Variants in ABL1 observed in about 807,000 individuals in gnomAD.
ABL1 encodes ABL proto-oncogene 1, non-receptor tyrosine kinase.
Under a neutral mutation model 94.7 loss-of-function variants are expected in ABL1, and 11 were observed. That is an observed-to-expected ratio of 0.12 (90% CI 0.07 to 0.19). The LOEUF (loss-of-function observed/expected upper bound fraction) is 0.19. ABL1 is among the 10% of genes least tolerant of loss of function. The probability of loss-of-function intolerance (pLI) is 1.00; values close to 1 mark genes in which losing one functional copy is unlikely to be tolerated. For synonymous variants in ABL1, 656 were observed against 622.4 expected (o/e 1.05, Z -0.80); for missense variants, 1,082 against 1,489.4 (o/e 0.73, Z 4.50).
At chr9:130,784,563 G>T (rs1464904398) in intron 1 of ABL1, among the ~76,000 whole-genome samples, 1 of 152,188 alleles carries the variant, frequency 6.6e-6, no homozygotes, top group African/African-American at 2.4e-5. Context: ...GGTCTTGGGG[G>T]ATTGTGAGAT....
At chr9:130,852,256 C>T (rs1009542911) in intron 1 of ABL1, among the ~76,000 whole-genome samples, 2 of 152,068 alleles carry the variant, frequency 1.3e-5, no homozygotes, top group African/African-American at 4.8e-5. Context: ...GAGACGAGAT[C>T]TCAGCTCACT....
At chr9:130,810,986 G>A (rs191115083) in intron 1 of ABL1, among the ~76,000 whole-genome samples, 30 of 152,222 alleles carry the variant, frequency 2.0e-4, no homozygotes, top group African/African-American at 6.0e-4. Flanking sequence ...TGTAAGCCAG[G>A]TTAACAGTGG....
At chr9:130,812,097 G>T (rs983499770) in intron 1 of ABL1, among the ~76,000 whole-genome samples, 2 of 150,836 alleles carry the variant, frequency 1.3e-5, no homozygotes, top group African/African-American at 4.9e-5. Flanking sequence ...AGGCAGAGTG[G>T]CTCATGCCTG....
intron 1 of ABL1, among the ~76,000 whole-genome samples, chr9:130,813,051 G>A (rs146378461): frequency 6.6e-6 from 1 of 150,998 alleles, no homozygotes; most frequent in Non-Finnish European, 1.5e-5. Context: ...CCGTCTCTAC[G>A]AAAAATACCA....
Position 130,835,578 on chromosome 9 carries a change from T to C in ABL1, c.79+53T>C. On this transcript the variant is annotated intron_variant, in intron 1 of 10. Transcript: ENST00000318560. This position sits in a 1 kb window ranked among gnomAD's most constrained non-coding sequence, Gnocchi z 4.6. Reference sequence around the variant, plus strand: ...GAGTAGCCGCGCGCCCTCCCGCTGCTGCTGGGCCCTTCCTAGGCCTCGCCG... The same window carrying C: ...GAGTAGCCGCGCGCCCTCCCGCTGCCGCTGGGCCCTTCCTAGGCCTCGCCG... The C allele has an allele frequency of 1.3e-6, 2 of 1,486,682 alleles. No individual in the cohort carries two copies. Among genetic ancestry groups the C allele is most frequent in the Non-Finnish European group, 1.8e-6 (2 of 1,092,376 alleles). The allele number at this position is 1,486,682 out of a possible 1,614,324, so 92.1% of individuals were successfully genotyped here. A position where few individuals can be genotyped will look rare whatever the true frequency, so the allele number is the denominator to read the frequency against.
intron 1 of ABL1, among the ~76,000 whole-genome samples, chr9:130,718,013 CAA>C (rs35216676): frequency 3.7e-4 from 48 of 131,342 alleles, no homozygotes; most frequent in South Asian, 1.2e-3. Context: ...ACTCTTGTCT[CAA>C]AAAAAAAAAA....
At chr9:130,855,265 C>T (rs1050401581) in intron 3 of ABL1, among the ~76,000 whole-genome samples, 169 bp downstream of exon 3, 4 of 152,066 alleles carry the variant, frequency 2.6e-5, no homozygotes, top group East Asian at 3.9e-4. Flanking sequence ...ATTGAGGATC[C>T]GTTCTGTGAT....
intron 1 of ABL1, among the ~76,000 whole-genome samples, chr9:130,802,828 C>T (rs1188830138): frequency 3.3e-5 from 5 of 152,070 alleles, no homozygotes; most frequent in Non-Finnish European, 7.4e-5. Context: ...TGTTACTTTT[C>T]TCTAATACTT....
intron 3 of ABL1, among the ~76,000 whole-genome samples, chr9:130,857,051 A>ATG (rs1830986010): frequency 6.6e-6 from 1 of 152,216 alleles, no homozygotes; most frequent in African/African-American, 2.4e-5. Flanking sequence ...CCCTTACTGT[A>ATG]TGTAACGCAC....
At chr9:130,826,189 C>T (rs992526656) in intron 1 of ABL1, among the ~76,000 whole-genome samples, 5 of 151,438 alleles carry the variant, frequency 3.3e-5, no homozygotes, top group Admixed American at 2.6e-4. Flanking sequence ...GGCGCAATTT[C>T]GGCTCACTGC....
rs775170909 is a variant in ABL1 at position 130,885,632 on chromosome 9, C to G, written c.3342C>G (p.Phe1114Leu). 1.2e-6 allele frequency: 2 copies of G among 1,613,270 alleles called. No individual in the cohort carries two copies. The highest frequency in any genetic ancestry group is 4.5e-5 in the East Asian group (2 of 44,882). The change falls in exon 11 of 11, where the codon TTC (phenylalanine) becomes TTG (leucine). Residue 1114 changes from phenylalanine to leucine, a missense_variant. Physicochemically the swap from Phe to Leu is conservative, Grantham distance 22. Coordinates refer to ENST00000318560, the MANE Select transcript of ABL1 (RefSeq NM_005157.6). Reference sequence around the variant, plus strand: ...GTGGTCCAGCGGCCACTCAGGACTTCAGCAAGCTCCTCAGTTCGGTGAAGG... The same window carrying G: ...GTGGTCCAGCGGCCACTCAGGACTTGAGCAAGCTCCTCAGTTCGGTGAAGG... The part of the protein sequence containing the change: ...AGSGPAATQD[F>L]SKLLSSVKEI...
At chr9:130,845,764 T>C (rs1252438250) in intron 1 of ABL1, among the ~76,000 whole-genome samples, 3 of 151,428 alleles carry the variant, frequency 2.0e-5, no homozygotes, top group African/African-American at 7.3e-5. Context: ...TTTTGAGGAC[T>C]GTTTCAAAAA....
chr9:130,733,727 CGCCACCGCGCCT>C (rs1436836227), intron 1 of ABL1, among the ~76,000 whole-genome samples: 2 of 151,506 alleles, frequency 1.3e-5, no homozygotes, highest in South Asian at 2.1e-4. Context: ...TACAGGCGCC[CGCCACCGCGCCT>C]GCCACCACGC....
intron 1 of ABL1, among the ~76,000 whole-genome samples, chr9:130,771,479 T>C (rs1832250396): frequency 6.6e-6 from 1 of 152,240 alleles, no homozygotes; most frequent in Admixed American, 6.5e-5. Flanking sequence ...TTAGGCATTA[T>C]GACATATTCA....
intron 1 of ABL1, among the ~76,000 whole-genome samples, chr9:130,781,441 C>T (rs180987153): frequency 2.0e-4 from 31 of 152,276 alleles, no homozygotes; most frequent in African/African-American, 7.2e-4. Context: ...TTTCTTTGAA[C>T]ATTCTTGACC....
Position 130,878,561 on chromosome 9 carries a change from C to A in ABL1, c.1417C>A (p.Arg473=). Reference sequence around the variant, plus strand: ...CCCAGAGAAGGTCTATGAACTCATGCGAGCATGTAAGCCTTCCTCAGCCTG... The same window carrying A: ...CCCAGAGAAGGTCTATGAACTCATGAGAGCATGTAAGCCTTCCTCAGCCTG... The part of the protein sequence containing the change: ...GCPEKVYELM[R]ACWQWNPSDR... Residue 473 remains arginine (R), a synonymous_variant, in exon 8 of 11, where the codon CGA becomes AGA. Coordinates refer to ENST00000318560, the MANE Select transcript of ABL1 (RefSeq NM_005157.6). The A allele has an allele frequency of 6.2e-7, 1 of 1,614,088 alleles. No homozygotes were observed. The highest frequency in any genetic ancestry group is 8.5e-7 in the Non-Finnish European group (1 of 1,179,972).
In ABL1 at chr9:130,880,529, G is replaced by T; in HGVS notation, c.1543G>T (p.Val515Phe). The T allele has an allele frequency of 6.2e-7, 1 of 1,613,890 alleles. No homozygotes were observed. The highest frequency in any genetic ancestry group is 8.5e-7 in the Non-Finnish European group (1 of 1,179,910). Residue 515 changes from valine (V) to phenylalanine (F), a missense_variant, in exon 10 of 11, where the codon GTC becomes TTC. Physicochemically the swap from Val to Phe is conservative, Grantham distance 50. Around this residue, in one of 7 missense-constraint regions of ABL1, gnomAD observed 780 missense variants for 835.8 expected, o/e 0.93. Transcript: ENST00000318560. The surrounding 1 kb of genome is among the most constrained non-coding windows in gnomAD (Gnocchi z 4.4). The stretch of plus-strand genomic sequence containing the variant: ...GGAAAAGGAGCTGGGGAAACAAGGC[G>T]TCCGTGGGGCTGTGAGTACCTTGCT... ...EVEKELGKQG[V>F]RGAVSTLLQA...
At chr9:130,853,952 G>A in intron 1 of ABL1, 112 bp from the exon 2 acceptor site, 3 of 1,092,830 alleles carry the variant, frequency 2.7e-6, no homozygotes, top group Admixed American at 5.2e-5. Context: ...AAATGAAATA[G>A]GAATGTGTAA....
intron 4 of ABL1, among the ~76,000 whole-genome samples, chr9:130,866,585 C>A (rs1432208062): frequency 6.6e-6 from 1 of 152,150 alleles, no homozygotes; most frequent in African/African-American, 2.4e-5. Flanking sequence ...CTACTTTTAA[C>A]CGCAACTCCA....
Sources: gnomAD v4.1 joint callset for allele counts (sites outside exome capture counted in the v4.1 genomes callset) on GRCh38, gnomAD v4.1.1 for gene constraint, gnomAD v4.1.1 regional missense constraint, Gnocchi (gnomAD v3.1) non-coding constraint, MANE v1.5 for transcripts, NCBI Gene and HGNC (gene_info 2026-07-23, HGNC 2026-07-21) for gene names.